GALNT1: variants seen among roughly 807,000 people sequenced by gnomAD.
The protein encoded by GALNT1 is polypeptide N-acetylgalactosaminyltransferase 1, also known as GalNAc transferase 1.
Under a neutral mutation model 65.7 loss-of-function variants are expected in GALNT1, and 17 were observed. That is an observed-to-expected ratio of 0.26 (90% CI 0.18 to 0.39). The LOEUF (loss-of-function observed/expected upper bound fraction) is 0.39. GALNT1 is among the 10% of genes least tolerant of loss of function. The probability of loss-of-function intolerance (pLI) is 1.00; values close to 1 mark genes in which losing one functional copy is unlikely to be tolerated. For synonymous variants in GALNT1, 210 were observed against 219.7 expected (o/e 0.96, Z 0.39); for missense variants, 460 against 672.8 (o/e 0.68, Z 3.50).
At chr18:35,615,741 G>A (rs1371714118) in intron 1 of GALNT1, among the ~76,000 whole-genome samples, 1 of 152,228 alleles carries the variant, frequency 6.6e-6, no homozygotes, top group African/African-American at 2.4e-5. Flanking sequence ...AATGGCAGAA[G>A]AAAGCAAGAG....
At chr18:35,625,152 A>T (rs2046900079) in intron 1 of GALNT1, among the ~76,000 whole-genome samples, 1 of 152,224 alleles carries the variant, frequency 6.6e-6, no homozygotes, top group African/African-American at 2.4e-5. Flanking sequence ...CAAGTATGAA[A>T]AACATAATTC....
chr18:35,594,526 T>G (rs947118166), intron 1 of GALNT1, among the ~76,000 whole-genome samples: 11 of 152,184 alleles, frequency 7.2e-5, no homozygotes, highest in African/African-American at 2.7e-4. Flanking sequence ...GTTTCAGAAC[T>G]TTCTAATGCC....
At position 35,638,484 on chromosome 18, in the gene GALNT1, C is replaced by T. The variant is rs2047121480; in HGVS notation, c.-103-16076C>T. Among the ~76,000 whole-genome samples, 7 of 152,152 alleles carry T rather than the reference C, an allele frequency of 4.6e-5. No homozygotes were observed. The South Asian group carries it at 1.2e-3, about 27-fold the overall frequency. ...CCCCACCCCACACACACACACAGCC[C>T]CAGCAGTCCTGCACTCAGATGATTA... On this transcript the variant is annotated intron_variant, in intron 1 of 11. Transcript: ENST00000269195.
chr18:35,702,982 T>TG lies in GALNT1; in HGVS notation c.1391dup (p.Asn465Ter). The TG allele has an allele frequency of 6.2e-7, 1 of 1,601,390 alleles. No individual in the cohort carries two copies. The highest frequency in any genetic ancestry group is 8.5e-7 in the Non-Finnish European group (1 of 1,172,486). On this transcript the variant is annotated frameshift_variant, in exon 10 of 12. Coordinates refer to ENST00000269195, the MANE Select transcript of GALNT1 (RefSeq NM_020474.4). LOFTEE classifies it high-confidence loss of function. ...GTTGGAATTTTTAATTGCCATGGTA[T>TG]GGGGGGTAATCAGGTGAGTATCTTA...
chr18:35,581,833 T>TGCCGCCGCC lies in GALNT1; in HGVS notation c.-124_-116dup, dbSNP rs200772432. ...CGCCGCGGCCGGCCCGGAGGACGCC[T>TGCCGCCGCC]GCCGCCGCCGCCGCCGCGCGCCTAG... On this transcript the variant is annotated 5_prime_UTR_variant, in exon 1 of 12. Transcript: ENST00000269195. 23 of 143,674 alleles carry TGCCGCCGCC rather than the reference T, an allele frequency of 1.6e-4. No individual in the cohort carries two copies. The highest frequency in any genetic ancestry group is 3.5e-4 in the African/African-American group (14 of 40,078). 8.9% of individuals were successfully genotyped at this position (143,674 alleles called of 1,614,324 possible). A position where few individuals can be genotyped will look rare whatever the true frequency, so the allele number is the denominator to read the frequency against.
intron 9 of GALNT1, 113 bp downstream of exon 9, chr18:35,692,433 T>C: frequency 1.7e-6 from 1 of 603,362 alleles, no homozygotes. Flanking sequence ...CATGTTAACA[T>C]TTAACTTCTC....
At chr18:35,656,571 G>A (rs1316658920) in intron 2 of GALNT1, among the ~76,000 whole-genome samples, 2 of 152,218 alleles carry the variant, frequency 1.3e-5, no homozygotes, top group Non-Finnish European at 2.9e-5. Flanking sequence ...AAAGAAGGAT[G>A]TGCAAGATTA....
intron 9 of GALNT1, among the ~76,000 whole-genome samples, chr18:35,701,463 A>G (rs2048162697): frequency 6.6e-6 from 1 of 152,194 alleles, no homozygotes; most frequent in Admixed American, 6.5e-5. Flanking sequence ...CTTTATGCAA[A>G]TTGGTATTTT....
intron 9 of GALNT1, among the ~76,000 whole-genome samples, chr18:35,696,853 A>G (rs992491048): frequency 2.0e-5 from 3 of 152,206 alleles, no homozygotes; most frequent in Admixed American, 6.5e-5. Context: ...TGCAGCAGAG[A>G]GTAGAAAAGT....
chr18:35,633,550 G>C (rs574659456), intron 1 of GALNT1, among the ~76,000 whole-genome samples: 2 of 147,350 alleles, frequency 1.4e-5, no homozygotes, highest in African/African-American at 5.0e-5. Flanking sequence ...GTTGTGGGAT[G>C]GGGGAGGGGG....
chr18:35,633,391 G>GT (rs1402615641), intron 1 of GALNT1, among the ~76,000 whole-genome samples: 2 of 152,122 alleles, frequency 1.3e-5, no homozygotes, highest in Non-Finnish European at 2.9e-5. Flanking sequence ...CATGTCCTTT[G>GT]TAGGGACATG....
chr18:35,654,427 T>C (rs1469387477), intron 1 of GALNT1, 133 bp from the exon 2 acceptor site: 1 of 163,674 alleles, frequency 6.1e-6, no homozygotes, highest in Admixed American at 6.4e-5. Context: ...ATAGTCTTCA[T>C]AGTGAAATTT....
intron 1 of GALNT1, among the ~76,000 whole-genome samples, chr18:35,650,474 G>A (rs142289473): frequency 1.4e-3 from 206 of 152,244 alleles, no homozygotes; most frequent in African/African-American, 4.2e-3. Context: ...GCAGACAACC[G>A]GTCTGATCAA....
At position 35,702,907 on chromosome 18, in the gene GALNT1, T is replaced by G; in HGVS notation, c.1310T>G (p.Val437Gly). The G allele has an allele frequency of 6.3e-7, 1 of 1,597,354 alleles. No homozygotes were observed. The part of the protein sequence containing the change: ...HYFSLGEIRN[V>G]ETNQCLDNMA... The stretch of plus-strand genomic sequence containing the variant: ...TTTATTGTCCCATAGATACGAAATG[T>G]GGAAACGAATCAGTGTCTAGATAAC... Residue 437 changes from valine (V) to glycine (G), a missense_variant, in exon 10 of 12, where the codon GTG (valine) becomes GGG (glycine). Val to Gly is a moderately radical substitution (Grantham distance 109). Coordinates refer to ENST00000269195, the MANE Select transcript of GALNT1 (RefSeq NM_020474.4).
At chr18:35,647,639 C>G (rs983433703) in intron 1 of GALNT1, among the ~76,000 whole-genome samples, 27 of 152,056 alleles carry the variant, frequency 1.8e-4, no homozygotes, top group Admixed American at 1.2e-3. Context: ...ATACCTCTGT[C>G]TGGTTAGTAT....
intron 1 of GALNT1, among the ~76,000 whole-genome samples, chr18:35,644,819 CT>C (rs1829485586): frequency 6.6e-6 from 1 of 151,994 alleles, no homozygotes; most frequent in Admixed American, 6.5e-5. Context: ...GATGAAACCT[CT>C]TCTCTACTAA....
At chr18:35,694,128 ATC>A (rs2048014802) in intron 9 of GALNT1, among the ~76,000 whole-genome samples, 1 of 152,228 alleles carries the variant, frequency 6.6e-6, no homozygotes, top group Admixed American at 6.5e-5. Context: ...TCAGTAGCCT[ATC>A]TCACAGTGTT....
At chr18:35,649,851 A>G (rs1432849497) in intron 1 of GALNT1, among the ~76,000 whole-genome samples, 4 of 152,186 alleles carry the variant, frequency 2.6e-5, no homozygotes, top group African/African-American at 9.7e-5. Context: ...TGGACTGTAT[A>G]TGTGTGGATC....
intron 4 of GALNT1, among the ~76,000 whole-genome samples, chr18:35,681,944 G>A (rs1264450463): frequency 6.6e-6 from 1 of 151,872 alleles, no homozygotes; most frequent in Non-Finnish European, 1.5e-5. Context: ...AACTTCATAG[G>A]GTCATTGTGA....
Sources: gnomAD v4.1 joint callset for allele counts (sites outside exome capture counted in the v4.1 genomes callset) on GRCh38, gnomAD v4.1.1 for gene constraint, MANE v1.5 for transcripts, NCBI Gene and HGNC (gene_info 2026-07-23, HGNC 2026-07-21) for gene names.